Variants in DGKB observed in about 807,000 individuals in gnomAD.
DGKB encodes the protein 90 kDa diacylglycerol kinase.
A neutral mutation model predicts 114.3 loss-of-function variants in DGKB; 67 were observed. That is an observed-to-expected ratio of 0.59 (90% confidence interval 0.48 to 0.72). The LOEUF (loss-of-function observed/expected upper bound fraction) is 0.72. Ranked by LOEUF, DGKB falls within the 30% of genes least tolerant of loss-of-function variation. DGKB has a pLI of 0.00. For synonymous variants in DGKB, 398 were observed against 323.1 expected (o/e 1.23, Z -2.49); for missense variants, 907 against 975.2 (o/e 0.93, Z 0.93).
intron 23 of DGKB, among the ~76,000 whole-genome samples, chr7:14,320,080 A>T (rs1433317569): frequency 6.6e-6 from 1 of 152,200 alleles, no homozygotes; most frequent in African/African-American, 2.4e-5. Flanking sequence ...AAAGCAAGAT[A>T]AACTATTCAA....
At chr7:14,643,584 C>G (rs1167949055) in intron 13 of DGKB, among the ~76,000 whole-genome samples, 1 of 152,152 alleles carries the variant, frequency 6.6e-6, no homozygotes, top group Non-Finnish European at 1.5e-5. Context: ...TTCCCAGCAT[C>G]TGAGCCCATG....
chr7:14,625,820 A>G (rs1563716762), intron 14 of DGKB, among the ~76,000 whole-genome samples: 1 of 152,200 alleles, frequency 6.6e-6, no homozygotes, highest in Non-Finnish European at 1.5e-5. Flanking sequence ...ACATATAACT[A>G]CAAAATATAA....
chr7:14,530,156 G>T (rs918167673), intron 20 of DGKB, among the ~76,000 whole-genome samples: 23 of 151,462 alleles, frequency 1.5e-4, no homozygotes, highest in African/African-American at 5.3e-4. Context: ...TTAAGGCTGT[G>T]TTTTTTAAAG....
At chr7:14,792,036 G>A (rs1203302181) in intron 2 of DGKB, among the ~76,000 whole-genome samples, 1 of 151,976 alleles carries the variant, frequency 6.6e-6, no homozygotes, top group African/African-American at 2.4e-5. Flanking sequence ...GTGTAGAATT[G>A]GTATTAATTC....
chr7:14,335,408 ACTAT>A (rs1339671207), intron 23 of DGKB, among the ~76,000 whole-genome samples: 1 of 152,148 alleles, frequency 6.6e-6, no homozygotes, highest in Non-Finnish European at 1.5e-5. Context: ...TCCAAAAGAA[ACTAT>A]CTAAAGTTTA....
Position 14,847,005 on chromosome 7 carries a change from A to G in DGKB, c.-187-5555T>C, listed in dbSNP as rs536228373. 2.6e-5 allele frequency among the ~76,000 whole-genome samples: 4 copies of G among 152,262 alleles called. No homozygotes were observed. In the South Asian group the frequency reaches 8.3e-4, roughly 32 times the overall value. On this transcript the variant is annotated intron_variant, in intron 1 of 25. Transcript: ENST00000402815. ...GAGAAGTTAATAAACATTAAGACAT[A>G]CTGGGCCGGGCGCGGTGGCTCATGC...
chr7:14,890,592 T>C (rs1186724772), intron 1 of DGKB, among the ~76,000 whole-genome samples: 1 of 151,374 alleles, frequency 6.6e-6, no homozygotes, highest in Non-Finnish European at 1.5e-5. Flanking sequence ...ATATAGTAAA[T>C]ATGGGATGTG....
chr7:14,727,456 A>G (rs1830185211), intron 5 of DGKB, among the ~76,000 whole-genome samples: 1 of 152,124 alleles, frequency 6.6e-6, no homozygotes, highest in South Asian at 2.1e-4. Flanking sequence ...TCTAATGACA[A>G]TAATTAGAAG....
intron 1 of DGKB, among the ~76,000 whole-genome samples, chr7:14,958,426 AACACACACACACACACACACACACACAC>A (rs754087921): frequency 1.6e-5 from 2 of 122,816 alleles, no homozygotes; most frequent in African/African-American, 3.2e-5. Context: ...TACCTCTCCC[AACACACACACACACACACACACACACAC>A]ACACACACAC....
At chr7:14,880,667 T>G (rs2128212428) in intron 1 of DGKB, among the ~76,000 whole-genome samples, 1 of 152,272 alleles carries the variant, frequency 6.6e-6, no homozygotes, top group African/African-American at 2.4e-5. Context: ...GTATAATAAC[T>G]TATAATTATT....
At chr7:14,839,799 A>T (rs921706779) in intron 2 of DGKB, among the ~76,000 whole-genome samples, 1 of 151,086 alleles carries the variant, frequency 6.6e-6, no homozygotes, top group Admixed American at 6.6e-5. Context: ...TATTTTTATT[A>T]TTATTGACTC....
At chr7:14,370,394 G>C (rs555095309) in intron 21 of DGKB, among the ~76,000 whole-genome samples, 1 of 152,158 alleles carries the variant, frequency 6.6e-6, no homozygotes. Context: ...GCTTAGAATT[G>C]TCTGGGCTAT....
In DGKB at chr7:14,506,647, C is replaced by T. The variant is rs372284535; in HGVS notation, c.1771-28422G>A. Among the ~76,000 whole-genome samples, 5 of 152,122 alleles carry T rather than the reference C, an allele frequency of 3.3e-5. No homozygotes were observed. The East Asian group carries it at 9.6e-4, about 29-fold the overall frequency. On this transcript the variant is annotated intron_variant, in intron 20 of 25. Transcript: ENST00000402815. The stretch of plus-strand genomic sequence containing the variant: ...AAGGCACTGGAAAATTGGAGAGCCA[C>T]GCACTAACCTCTGAGGGCAGCATAC...
At chr7:14,320,581 A>G (rs62443937) in intron 23 of DGKB, among the ~76,000 whole-genome samples, 13,902 of 151,622 alleles carry the variant, frequency 0.092, 1,764 homozygotes, top group African/African-American at 0.29. Flanking sequence ...ATGTGTACAT[A>G]TATAGTACAT....
chr7:14,521,853 T>A (rs1772819864), intron 20 of DGKB, among the ~76,000 whole-genome samples: 1 of 152,186 alleles, frequency 6.6e-6, no homozygotes. Flanking sequence ...AATATTGAAC[T>A]TTTTATGCAA....
At chr7:14,947,313 G>T (rs1785938635) in intron 1 of DGKB, among the ~76,000 whole-genome samples, 1 of 151,558 alleles carries the variant, frequency 6.6e-6, no homozygotes, top group African/African-American at 2.4e-5. Context: ...TCTTTATATA[G>T]AAATGGAAAA....
At chr7:14,851,820 G>A (rs1256742790) in intron 1 of DGKB, among the ~76,000 whole-genome samples, 1 of 152,130 alleles carries the variant, frequency 6.6e-6, no homozygotes, top group Non-Finnish European at 1.5e-5. Flanking sequence ...AAGTGTAACA[G>A]GAAACAGCCC....
chr7:14,946,157 C>T (rs75283080), intron 1 of DGKB, among the ~76,000 whole-genome samples: 5,749 of 151,444 alleles, frequency 0.038, 320 homozygotes, highest in African/African-American at 0.13. Context: ...TTAAGGGTTT[C>T]TTGCTAAGTT....
chr7:14,267,769 G>A (rs1437234501), intron 23 of DGKB, among the ~76,000 whole-genome samples: 1 of 152,082 alleles, frequency 6.6e-6, no homozygotes, highest in South Asian at 2.1e-4. Flanking sequence ...GATTACAGGC[G>A]TGAGCCACCG....
Sources: gnomAD v4.1 joint callset for allele counts (sites outside exome capture counted in the v4.1 genomes callset) on GRCh38, gnomAD v4.1.1 for gene constraint, MANE v1.5 for transcripts, NCBI Gene and HGNC (gene_info 2026-07-23, HGNC 2026-07-21) for gene names.